GALNT13: variants seen among roughly 807,000 people sequenced by gnomAD.
The protein encoded by GALNT13 is polypeptide N-acetylgalactosaminyltransferase 13.
In GALNT13, 28 loss-of-function variants were observed where a neutral mutation model predicts 64.2. That is an observed-to-expected ratio of 0.44 (90% CI 0.32 to 0.60). GALNT13 has a LOEUF of 0.60. GALNT13 is among the 20% of genes least tolerant of loss of function. The probability of loss-of-function intolerance (pLI) is 0.05; values close to 1 mark genes in which losing one functional copy is unlikely to be tolerated. For synonymous variants in GALNT13, 214 were observed against 224.6 expected, an observed-to-expected ratio of 0.95 and a Z score of 0.42; for missense variants, 577 against 669.8, an observed-to-expected ratio of 0.86 and a Z score of 1.53.
chr2:153,527,141 CA>C, the GALNT13 span, among the ~76,000 whole-genome samples: 2 of 152,028 alleles, frequency 1.3e-5, no homozygotes, highest in East Asian at 3.9e-4. Context: ...GGGATAACAA[CA>C]GATGCCTTCC....
chr2:153,139,617 C>A, the GALNT13 span, among the ~76,000 whole-genome samples: 1 of 151,860 alleles, frequency 6.6e-6, no homozygotes. Flanking sequence ...ACAGTTCAAG[C>A]TCAGAGGACA....
chr2:153,946,808 A>G (rs1176040732), intron 3 of GALNT13, among the ~76,000 whole-genome samples: 1 of 152,058 alleles, frequency 6.6e-6, no homozygotes, highest in Non-Finnish European at 1.5e-5. Context: ...TATTAATACT[A>G]TTTGTCTGGA....
chr2:153,788,402 A>T, the GALNT13 span, among the ~76,000 whole-genome samples: 3 of 148,570 alleles, frequency 2.0e-5, no homozygotes, highest in South Asian at 2.1e-4. Context: ...TGCTGAGGGA[A>T]TTTTTTTTTT....
the GALNT13 span, among the ~76,000 whole-genome samples, chr2:153,119,215 A>T: frequency 6.6e-6 from 1 of 152,088 alleles, no homozygotes; most frequent in Non-Finnish European, 1.5e-5. Context: ...TATGAGCAGC[A>T]TGAGAATGAA....
upstream of GALNT13, among the ~76,000 whole-genome samples, chr2:153,868,074 T>C (rs918589076): frequency 1.3e-5 from 2 of 152,256 alleles, no homozygotes; most frequent in African/African-American, 4.8e-5. Flanking sequence ...ATCTTTTTTC[T>C]CACTGCTAGA....
At chr2:154,082,733 C>G (rs1394436056) in intron 3 of GALNT13, among the ~76,000 whole-genome samples, 3 of 151,778 alleles carry the variant, frequency 2.0e-5, no homozygotes, top group African/African-American at 4.8e-5. Context: ...CTGTTCATAT[C>G]CTTTGCCCAC....
intron 8 of GALNT13, among the ~76,000 whole-genome samples, chr2:154,279,687 T>C (rs1211978351): frequency 6.6e-6 from 1 of 152,188 alleles, no homozygotes; most frequent in Non-Finnish European, 1.5e-5. Context: ...CCCCTCTCCT[T>C]GTTTGTGACT....
intron 4 of GALNT13, among the ~76,000 whole-genome samples, chr2:154,221,833 A>G (rs1255446659): frequency 6.6e-6 from 1 of 152,064 alleles, no homozygotes; most frequent in African/African-American, 2.4e-5. Flanking sequence ...ATGAAAATTC[A>G]TTTGTTTTAC....
intron 12 of GALNT13, chr2:154,445,844 T>A: frequency 7.8e-7 from 1 of 1,288,268 alleles, no homozygotes; most frequent in Admixed American, 2.3e-5. Context: ...AGCTTCAAGA[T>A]GTAGGTGGCC....
At chr2:153,408,137 G>A in the GALNT13 span, among the ~76,000 whole-genome samples, 2 of 152,190 alleles carry the variant, frequency 1.3e-5, no homozygotes, top group African/African-American at 4.8e-5. Flanking sequence ...TAGAATATAG[G>A]TTACCAGAAG....
chr2:153,672,215 A>G, the GALNT13 span, among the ~76,000 whole-genome samples: 1 of 152,200 alleles, frequency 6.6e-6, no homozygotes, highest in African/African-American at 2.4e-5. Context: ...ATAGACATCT[A>G]CAGAACCGTC....
At chr2:154,245,098 T>A (rs1689705211) in intron 6 of GALNT13, among the ~76,000 whole-genome samples, 1 of 109,998 alleles carries the variant, frequency 9.1e-6, no homozygotes, top group South Asian at 3.3e-4. Context: ...AGGGCAAGGC[T>A]CTGTCAAAAT....
the GALNT13 span, among the ~76,000 whole-genome samples, chr2:153,399,390 T>G: frequency 6.6e-6 from 1 of 152,244 alleles, no homozygotes. Context: ...TCGCTTAGGA[T>G]TGACTTGGTG....
In GALNT13 at chr2:154,366,260, C is replaced by G. The variant is rs111969927; in HGVS notation, c.1157-29731C>G. Among the ~76,000 whole-genome samples, 1,166 of 152,124 alleles carry G rather than the reference C, an allele frequency of 7.7e-3. 24 individuals carry two copies. Among genetic ancestry groups the G allele is most frequent in the African/African-American group, 0.027 (1,114 of 41,502 alleles). On this transcript the variant is annotated intron_variant, in intron 9 of 12. Coordinates refer to ENST00000392825, the MANE Select transcript of GALNT13 (RefSeq NM_052917.4). Reference sequence around the variant, plus strand: ...ATATTTACATTTAAAAGGTTCCTGTCTTTTAAAGAGTTTTCAAAGTTCTAT... The same window carrying G: ...ATATTTACATTTAAAAGGTTCCTGTGTTTTAAAGAGTTTTCAAAGTTCTAT...
the GALNT13 span, among the ~76,000 whole-genome samples, chr2:153,340,433 G>C: frequency 3.3e-5 from 5 of 151,792 alleles, no homozygotes; most frequent in South Asian, 1.0e-3. Context: ...GAGGTAGGTG[G>C]ATCACAAGGT....
intron 4 of GALNT13, among the ~76,000 whole-genome samples, chr2:154,190,856 A>G (rs1686538716): frequency 6.6e-6 from 1 of 152,342 alleles, no homozygotes; most frequent in Non-Finnish European, 1.5e-5. Flanking sequence ...CAATATATCA[A>G]AAACATGATT....
chr2:153,080,969 C>T, the GALNT13 span, among the ~76,000 whole-genome samples: 2 of 151,748 alleles, frequency 1.3e-5, no homozygotes, highest in African/African-American at 4.8e-5. Context: ...TCCTTGTATT[C>T]ACTGCCCACC....
chr2:154,162,667 G>A (rs1448719909), intron 4 of GALNT13, among the ~76,000 whole-genome samples: 2 of 152,308 alleles, frequency 1.3e-5, no homozygotes, highest in East Asian at 1.9e-4. Context: ...ATAAAGAACA[G>A]TGTTAGATAA....
At chr2:153,673,849 G>T in the GALNT13 span, among the ~76,000 whole-genome samples, 1 of 151,888 alleles carries the variant, frequency 6.6e-6, no homozygotes, top group Non-Finnish European at 1.5e-5. Flanking sequence ...AGCAACTTCA[G>T]CAAAGTCTCA....
Sources: allele counts gnomAD v4.1 joint callset (sites outside exome capture counted in the v4.1 genomes callset), GRCh38; gene constraint gnomAD v4.1.1; transcripts MANE v1.5; gene names NCBI Gene and HGNC (gene_info 2026-07-23, HGNC 2026-07-21).